The following HDAC4 variants were observed in gnomAD, a reference collection of about 807,000 sequenced individuals.
HDAC4 encodes the protein histone deacetylase 4, also known as histone deacetylase A.
In HDAC4, 16 loss-of-function variants were observed where a neutral mutation model predicts 135.1. The ratio of observed to expected loss-of-function variants is 0.12; its 90% CI spans 0.08 to 0.18. The LOEUF is 0.18. Among genes scored for constraint, HDAC4 ranks in the 10% least tolerant of loss-of-function variants. HDAC4 has a pLI of 1.00. For synonymous variants in HDAC4, 685 were observed against 653.4 expected (o/e 1.05, Z -0.74); for missense variants, 1,143 against 1,511.8 (o/e 0.76, Z 4.05).
intron 1 of HDAC4, among the ~76,000 whole-genome samples, chr2:239,377,504 A>C (rs1695096886): frequency 6.6e-6 from 1 of 152,206 alleles, no homozygotes; most frequent in African/African-American, 2.4e-5. Context: ...TCTTCTATGC[A>C]GATCTCCACA....
intron 2 of HDAC4, among the ~76,000 whole-genome samples, chr2:239,265,745 AAAC>A (rs2125157384): frequency 6.6e-6 from 1 of 152,354 alleles, no homozygotes; most frequent in Non-Finnish European, 1.5e-5. Context: ...GCAGGATCCC[AAAC>A]AACAGTGTCA....
chr2:239,241,017 G>C (rs766048716), intron 2 of HDAC4, among the ~76,000 whole-genome samples: 12 of 152,166 alleles, frequency 7.9e-5, no homozygotes, highest in Non-Finnish European at 1.5e-4. Context: ...CTTCACACTT[G>C]GGGAAATGGC....
In HDAC4 at chr2:239,124,884, A is replaced by G. The variant is rs1008312898; in HGVS notation, c.1533+1572T>C. On this transcript the variant is annotated intron_variant, in intron 12 of 26. Transcript: ENST00000543185. ...TGGTGTGCTGGCGTGTGGCCGCGTT[A>G]TATGACATTCCATGTTATGTGACAT... Among the ~76,000 whole-genome samples the G allele has an allele frequency of 1.1e-3, 154 of 140,536 alleles. 1 individual carries two copies. The highest frequency in any genetic ancestry group is 2.0e-3 in the Non-Finnish European group (134 of 66,610). 92.2% of individuals were successfully genotyped at this position (140,536 alleles called of 152,430 possible).
At chr2:239,094,490 C>G (rs1239595021) in intron 17 of HDAC4, 1 of 1,011,370 alleles carries the variant, frequency 9.9e-7, no homozygotes, top group East Asian at 9.8e-5. Flanking sequence ...CTGGCACAGA[C>G]CAGTGATTCA....
rs572505536 is a variant in HDAC4, at chr2:239,146,479, C to T, written c.734-1765G>A. 6.6e-5 allele frequency among the ~76,000 whole-genome samples: 10 copies of T among 152,208 alleles called. No homozygotes were observed. The South Asian group carries it at 1.0e-3, about 16-fold the overall frequency. On this transcript the variant is annotated intron_variant, in intron 7 of 26. Transcript: ENST00000543185. The surrounding 1 kb of genome is among the most constrained non-coding windows in gnomAD (Gnocchi z 4.5). ...CCACATAGAGTGGGACACGTGGCATCGGGAGGCGGGCATGACATGGTCACT... is the reference window on the plus strand; with the variant it reads ...CCACATAGAGTGGGACACGTGGCATTGGGAGGCGGGCATGACATGGTCACT...
rs1394116484 is a variant in HDAC4 at position 239,280,884 on chromosome 2, C to A, written c.23-44220G>T. Among the ~76,000 whole-genome samples the A allele has an allele frequency of 5.4e-3, 800 of 147,120 alleles. 6 individuals are homozygous for A. Among genetic ancestry groups the A allele is most frequent in the African/African-American group, 0.019 (769 of 39,512 alleles). ...ACCTCTACAATGTACACACCACTCT[C>A]CACACAATGTACACACCACTCTACA... is the stretch of plus-strand genomic sequence containing the variant. On this transcript the variant is annotated intron_variant, in intron 2 of 26. Coordinates refer to ENST00000543185, the MANE Select transcript of HDAC4 (RefSeq NM_001378414.1).
chr2:239,156,889 C>T, intron 6 of HDAC4, 116 bp from the exon 7 acceptor site: 11 of 1,176,554 alleles, frequency 9.3e-6, no homozygotes, highest in South Asian at 5.1e-5. Flanking sequence ...CCCACCTCAA[C>T]AGACACACCT....
At chr2:239,278,187 GA>G (rs57441784) in intron 2 of HDAC4, among the ~76,000 whole-genome samples, 11,104 of 140,910 alleles carry the variant, frequency 0.079, 568 homozygotes, top group African/African-American at 0.15. Flanking sequence ...GAGAAAAAAA[GA>G]AAAAAAAAAA....
chr2:239,298,453 G>A, intron 2 of HDAC4: 1 of 1,141,558 alleles, frequency 8.8e-7, no homozygotes, highest in Non-Finnish European at 1.1e-6. Context: ...GGATACTCTA[G>A]GGTCCCAGCA....
chr2:239,180,471 A>G (rs1214470180), intron 4 of HDAC4, among the ~76,000 whole-genome samples: 2 of 152,018 alleles, frequency 1.3e-5, no homozygotes, highest in African/African-American at 4.8e-5. Context: ...CTTCCTACTC[A>G]AGATGAGACA....
chr2:239,282,386 CCACA>C (rs1451996671), intron 2 of HDAC4, among the ~76,000 whole-genome samples: 23 of 133,996 alleles, frequency 1.7e-4, no homozygotes, highest in African/African-American at 6.4e-4. Context: ...ACACCACTCT[CCACA>C]CAATGTACAC....
intron 2 of HDAC4, among the ~76,000 whole-genome samples, chr2:239,263,470 G>A (rs1461162663): frequency 6.6e-6 from 1 of 152,066 alleles, no homozygotes; most frequent in East Asian, 1.9e-4. Context: ...AGGTGTGGAG[G>A]CGTCCACGTC....
chr2:239,216,557 G>A (rs780838658), intron 3 of HDAC4, among the ~76,000 whole-genome samples: 3 of 152,230 alleles, frequency 2.0e-5, no homozygotes, highest in South Asian at 2.1e-4. Flanking sequence ...GTTTAACTGA[G>A]TTTTTAATTT....
intron 9 of HDAC4, 83 bp from the exon 10 acceptor site, chr2:239,134,726 A>G (rs1330878026): frequency 1.0e-6 from 1 of 963,844 alleles, no homozygotes; most frequent in East Asian, 2.4e-5. Context: ...AACGATGAAA[A>G]CACCTGCACT....
At chr2:239,338,607 T>C (rs571894918) in intron 2 of HDAC4, among the ~76,000 whole-genome samples, 90 of 152,300 alleles carry the variant, frequency 5.9e-4, no homozygotes, top group African/African-American at 2.2e-3. Context: ...AGCCACTACA[T>C]AAAATAGGAA....
chr2:239,235,904 TGGCACA>T (rs1164711263), intron 3 of HDAC4, among the ~76,000 whole-genome samples: 2 of 152,050 alleles, frequency 1.3e-5, no homozygotes, highest in African/African-American at 4.8e-5. Context: ...CCAGGTGTGG[TGGCACA>T]CACCTGTAAT....
At chr2:239,347,158 T>C (rs2125900050) in intron 2 of HDAC4, among the ~76,000 whole-genome samples, 2 of 135,822 alleles carry the variant, frequency 1.5e-5, no homozygotes, top group African/African-American at 5.1e-5. Flanking sequence ...CAGAGCATTA[T>C]TTAAATGCCA....
chr2:239,205,435 C>T (rs1179340350), intron 3 of HDAC4, among the ~76,000 whole-genome samples: 1 of 152,090 alleles, frequency 6.6e-6, no homozygotes, highest in African/African-American at 2.4e-5. Context: ...AAGAGAAAGC[C>T]ACTGTCAAGC....
intron 3 of HDAC4, among the ~76,000 whole-genome samples, chr2:239,193,529 G>A (rs920075732): frequency 2.0e-5 from 3 of 152,252 alleles, no homozygotes; most frequent in Non-Finnish European, 4.4e-5. Flanking sequence ...AGTGGGCTGC[G>A]TCTCACCGAG....
Sources: allele counts gnomAD v4.1 joint callset (sites outside exome capture counted in the v4.1 genomes callset), GRCh38; gene constraint gnomAD v4.1.1; non-coding constraint Gnocchi (gnomAD v3.1); transcripts MANE v1.5; gene names NCBI Gene and HGNC (gene_info 2026-07-23, HGNC 2026-07-21).